The following TCAF1 variants were observed in gnomAD, a reference collection of about 807,000 sequenced individuals.
TCAF1 encodes TRPM8 channel-associated factor 1.
Under a neutral mutation model 27.3 loss-of-function variants are expected in TCAF1, and 4 were observed. That is an observed-to-expected ratio of 0.15 (90% CI 0.07 to 0.34). The LOEUF is 0.34. Ranked by LOEUF, TCAF1 falls within the 10% of genes least tolerant of loss-of-function variation. The pLI is 1.00. For missense variants in TCAF1, 257 were observed against 425.8 expected, an observed-to-expected ratio of 0.60 and a Z score of 3.49; for synonymous variants, 105 against 167.1, an observed-to-expected ratio of 0.63 and a Z score of 2.87.
chr7:143,896,587 T>G (rs531763148), intron 1 of TCAF1, among the ~76,000 whole-genome samples: 45 of 152,184 alleles, frequency 3.0e-4, no homozygotes, highest in African/African-American at 1.0e-3. Flanking sequence ...TTAAAAGAAT[T>G]GGCACTATGC....
At chr7:143,886,408 C>T in intron 1 of TCAF1, 1 of 663,086 alleles carries the variant, frequency 1.5e-6, no homozygotes, top group Non-Finnish European at 1.9e-6. Flanking sequence ...CAGGGTACGA[C>T]ATCCCATATA....
intron 1 of TCAF1, among the ~76,000 whole-genome samples, chr7:143,891,821 C>A (rs1412326530): frequency 6.6e-6 from 1 of 152,158 alleles, no homozygotes; most frequent in Admixed American, 6.5e-5. Flanking sequence ...TGAGACACAT[C>A]ACATTCAAAC....
chr7:143,894,796 A>T (rs1813798142), intron 1 of TCAF1, among the ~76,000 whole-genome samples: 1 of 151,750 alleles, frequency 6.6e-6, no homozygotes, highest in African/African-American at 2.4e-5. Flanking sequence ...AAAGATTGGA[A>T]GAGGATATTT....
intron 1 of TCAF1, among the ~76,000 whole-genome samples, chr7:143,899,744 C>T (rs1050962855): frequency 6.6e-6 from 1 of 152,128 alleles, no homozygotes; most frequent in Admixed American, 6.5e-5. Context: ...ATATAGCTAA[C>T]AATTACTGCT....
chr7:143,884,117 T>C (rs1813262156), intron 1 of TCAF1, among the ~76,000 whole-genome samples: 1 of 152,188 alleles, frequency 6.6e-6, no homozygotes, highest in Non-Finnish European at 1.5e-5. Flanking sequence ...AGTTCTTGAA[T>C]CAATGTCTGG....
rs578107688 is a variant in TCAF1 at position 143,892,565 on chromosome 7, G to A, written c.-15+9396C>T. The stretch of plus-strand genomic sequence containing the variant: ...TTTTTTTTGGAGAAGGAGTGTCACC[G>A]TTGCCAGGCTAGATTGCAGTGGTGC... On this transcript the variant is annotated intron_variant, in intron 1 of 8. Transcript: ENST00000479870. 1.4e-3 allele frequency among the ~76,000 whole-genome samples: 201 copies of A among 146,034 alleles called. 3 individuals carry two copies. Among genetic ancestry groups the A allele is most frequent in the Middle Eastern group, 3.6e-3 (1 of 276 alleles).
chr7:143,887,770 AGAAT>A (rs944711242), intron 1 of TCAF1, among the ~76,000 whole-genome samples: 6 of 152,216 alleles, frequency 3.9e-5, no homozygotes, highest in African/African-American at 1.4e-4. Flanking sequence ...TACAGCAATG[AGAAT>A]GAATGATTTG....
Position 143,890,985 on chromosome 7 carries a change from A to T in TCAF1, c.-15+10976T>A, listed in dbSNP as rs73725418. On this transcript the variant is annotated intron_variant, in intron 1 of 8. Coordinates refer to ENST00000479870, the MANE Select transcript of TCAF1 (RefSeq NM_014719.3). ...ATGCCCCAACAAAAAGAAACATTCTAATAAACACTCCATGATTTCAGTTGA... is the reference window on the plus strand; with the variant it reads ...ATGCCCCAACAAAAAGAAACATTCTTATAAACACTCCATGATTTCAGTTGA... 9.1e-3 allele frequency among the ~76,000 whole-genome samples: 1,381 copies of T among 152,342 alleles called. 25 individuals carry two copies. The highest frequency in any genetic ancestry group is 0.031 in the African/African-American group (1,294 of 41,570).
Position 143,876,178 on chromosome 7 carries a change from C to T in TCAF1, c.431G>A (p.Cys144Tyr). The T allele has an allele frequency of 6.2e-7, 1 of 1,614,232 alleles. No individual in the cohort carries two copies. The highest frequency in any genetic ancestry group is 1.1e-5 in the South Asian group (1 of 91,090). ...TCCTCCTATGAGCAAGCCGCCACCA[C>T]ATTTCATGAACTTGACCAGCTTTTC... ...MTEKLVKFMK[C>Y]GGGLLIGGQA... Residue 144 changes from cysteine (C) to tyrosine (Y), a missense_variant, in exon 2 of 9, where the codon TGT becomes TAT. Physicochemically the swap from Cys to Tyr is radical, Grantham distance 194 (BLOSUM62 -2). This residue lies in a region of TCAF1 where 255 missense variants were observed against 260.1 expected (regional missense o/e 0.98). Coordinates refer to ENST00000479870, the MANE Select transcript of TCAF1 (RefSeq NM_014719.3).
At chr7:143,870,699 C>T (rs1214127249) in intron 2 of TCAF1, among the ~76,000 whole-genome samples, 3 of 149,714 alleles carry the variant, frequency 2.0e-5, no homozygotes, top group Admixed American at 6.7e-5. Context: ...GCTATTGTAG[C>T]CATGCTGTTA....
Position 143,881,624 on chromosome 7 carries a change from C to T in TCAF1, c.-14-5002G>A, listed in dbSNP as rs113396865. Among the ~76,000 whole-genome samples the T allele has an allele frequency of 4.0e-3, 606 of 152,184 alleles. 3 individuals carry two copies. Among genetic ancestry groups the T allele is most frequent in the Non-Finnish European group, 6.7e-3 (455 of 67,994 alleles). ...AAAACAATCTGAAAAATTAAACAAA[C>T]TCCCATATACCTACCATTCAGCTTA... On this transcript the variant is annotated intron_variant, in intron 1 of 8. Coordinates refer to ENST00000479870, the MANE Select transcript of TCAF1 (RefSeq NM_014719.3).
rs1322909114 is a variant in TCAF1, at chr7:143,852,673, CTA to C, written c.*1458_*1459del. 5.3e-5 allele frequency: 8 copies of C among 152,356 alleles called. No individual in the cohort carries two copies. The highest frequency in any genetic ancestry group is 1.2e-4 in the Non-Finnish European group (8 of 68,174). The allele number at this position is 152,356 out of a possible 1,614,324, so 9.4% of individuals were successfully genotyped here. A position where few individuals can be genotyped will look rare whatever the true frequency, so the allele number is the denominator to read the frequency against. ...TGCTGATGACAAATCTGTTAGCAGT[CTA>C]TTTCTCATCCATTTTTGTGTTGAGC... is the stretch of plus-strand genomic sequence containing the variant. On this transcript the variant is annotated 3_prime_UTR_variant, in exon 9 of 9. Transcript: ENST00000479870.
chr7:143,883,706 T>C (rs932901967), intron 1 of TCAF1, among the ~76,000 whole-genome samples: 6 of 152,132 alleles, frequency 3.9e-5, no homozygotes, highest in Admixed American at 1.3e-4. Context: ...GATTTCACCA[T>C]GTTGGCCAGG....
chr7:143,896,350 A>C (rs1813870544), intron 1 of TCAF1, among the ~76,000 whole-genome samples: 1 of 152,024 alleles, frequency 6.6e-6, no homozygotes, highest in African/African-American at 2.4e-5. Flanking sequence ...ATGAAGCAAA[A>C]ATATATACAT....
chr7:143,877,601 G>A (rs904903195), intron 1 of TCAF1, among the ~76,000 whole-genome samples: 9 of 152,098 alleles, frequency 5.9e-5, no homozygotes, highest in African/African-American at 9.7e-5. Context: ...AAATATCCTC[G>A]GCTTCTTCAC....
At chr7:143,883,234 T>C (rs931397948) in intron 1 of TCAF1, among the ~76,000 whole-genome samples, 2 of 152,100 alleles carry the variant, frequency 1.3e-5, no homozygotes, top group African/African-American at 4.8e-5. Flanking sequence ...ATTGTAGAAA[T>C]TGTTGAATAT....
intron 1 of TCAF1, chr7:143,882,917 A>C: frequency 1.0e-6 from 1 of 971,272 alleles, no homozygotes. Context: ...CCTCCTCCCC[A>C]CTTCCTCCCA....
At chr7:143,882,921 C>T (rs1813155871) in intron 1 of TCAF1, 3 of 968,936 alleles carry the variant, frequency 3.1e-6, no homozygotes, top group Non-Finnish European at 3.7e-6. Flanking sequence ...CTCCCCACTT[C>T]CTCCCAGGCT....
intron 1 of TCAF1, chr7:143,886,427 G>A: frequency 1.2e-6 from 1 of 841,722 alleles, no homozygotes; most frequent in Non-Finnish European, 1.4e-6. Context: ...TAAATTAAGG[G>A]TTTCATTTCA....
Sources: allele counts gnomAD v4.1 joint callset (sites outside exome capture counted in the v4.1 genomes callset), GRCh38; gene constraint gnomAD v4.1.1; regional missense constraint gnomAD v4.1.1; transcripts MANE v1.5; gene names NCBI Gene and HGNC (gene_info 2026-07-23, HGNC 2026-07-21).